The following SPDYE12 variants were observed in gnomAD, a reference collection of about 807,000 sequenced individuals.
SPDYE12 encodes speedy protein E12.
chr7:74,908,658 G>GTTTTTTT, the SPDYE12 span, among the ~76,000 whole-genome samples: 1 of 65,992 alleles, frequency 1.5e-5, no homozygotes, highest in Non-Finnish European at 3.0e-5. Context: ...TTTGTTTTTT[G>GTTTTTTT]TTCTTTTTTT....
At chr7:74,908,642 G>A in the SPDYE12 span, among the ~76,000 whole-genome samples, 5 of 137,174 alleles carry the variant, frequency 3.6e-5, no homozygotes, top group Admixed American at 3.8e-4. Context: ...GCGGTTCATG[G>A]TTCCTTTTGT....
the SPDYE12 span, among the ~76,000 whole-genome samples, chr7:74,910,123 A>C: frequency 6.9e-6 from 1 of 145,694 alleles, no homozygotes; most frequent in Admixed American, 7.0e-5. Context: ...TGATCCCAGT[A>C]CTTTTTGAGA....
At chr7:74,909,689 G>C in the SPDYE12 span, 1 of 1,571,274 alleles carries the variant, frequency 6.4e-7, no homozygotes, top group East Asian at 2.2e-5. Context: ...ATGGGGGTCT[G>C]GGGAGGGGCT....
chr7:74,909,573 C>T, the SPDYE12 span: 130 of 1,571,100 alleles, frequency 8.3e-5, 2 homozygotes, highest in African/African-American at 4.2e-4. Context: ...GAGGCCGGCC[C>T]GGCTGAAATA....
chr7:74,907,880 C>G, the SPDYE12 span, among the ~76,000 whole-genome samples: 1 of 148,432 alleles, frequency 6.7e-6, no homozygotes, highest in Non-Finnish European at 1.5e-5. Flanking sequence ...TATGATCTCA[C>G]CACTGCACTC....
At chr7:74,912,394 CT>C in the SPDYE12 span, among the ~76,000 whole-genome samples, 3 of 30,816 alleles carry the variant, frequency 9.7e-5, no homozygotes, top group African/African-American at 2.1e-4. Flanking sequence ...CTGAGTCCCT[CT>C]TTTTTTTTTT....
At chr7:74,914,936 C>A in the SPDYE12 span, among the ~76,000 whole-genome samples, 11 of 94,642 alleles carry the variant, frequency 1.2e-4, no homozygotes, top group African/African-American at 3.1e-4. Context: ...AAAAAAAAAA[C>A]AAAAAAAAAA....
At chr7:74,915,053 C>T in the SPDYE12 span, among the ~76,000 whole-genome samples, 97 of 151,918 alleles carry the variant, frequency 6.4e-4, no homozygotes, top group Non-Finnish European at 1.2e-3. Flanking sequence ...GGAAGGAAAT[C>T]CCATTGCTGT....
At chr7:74,914,932 A>G in the SPDYE12 span, among the ~76,000 whole-genome samples, 1 of 142,546 alleles carries the variant, frequency 7.0e-6, no homozygotes, top group Non-Finnish European at 1.5e-5. Context: ...TCAAAAAAAA[A>G]AAACAAAAAA....
the SPDYE12 span, among the ~76,000 whole-genome samples, chr7:74,909,043 T>G: frequency 1.3e-4 from 19 of 145,448 alleles, no homozygotes; most frequent in South Asian, 4.1e-3. Context: ...GTTTTTTTTT[T>G]TTTTTTTGGC....
chr7:74,908,958 G>A, the SPDYE12 span, among the ~76,000 whole-genome samples: 1 of 148,568 alleles, frequency 6.7e-6, no homozygotes, highest in Non-Finnish European at 1.5e-5. Context: ...TGAGATTACA[G>A]GCGTGAGCCA....
chr7:74,904,674 A>G, the SPDYE12 span, among the ~76,000 whole-genome samples: 1 of 151,132 alleles, frequency 6.6e-6, no homozygotes, highest in East Asian at 1.9e-4. Context: ...GGAAAACAAA[A>G]TTATATGTAT....
At chr7:74,914,736 A>G in the SPDYE12 span, among the ~76,000 whole-genome samples, 12 of 148,992 alleles carry the variant, frequency 8.1e-5, no homozygotes, top group African/African-American at 2.4e-4. Context: ...AGCCTGGCCA[A>G]CATGGTGAAA....
the SPDYE12 span, chr7:74,907,093 T>C: frequency 6.7e-7 from 1 of 1,503,174 alleles, no homozygotes; most frequent in Non-Finnish European, 9.0e-7. Context: ...ATTGGCCAGA[T>C]AGCTGAGGAC....
the SPDYE12 span, among the ~76,000 whole-genome samples, chr7:74,907,696 A>G: frequency 6.7e-6 from 1 of 150,262 alleles, no homozygotes; most frequent in Admixed American, 6.7e-5. Flanking sequence ...GGGCCCCTCC[A>G]TTCCAGCCTG....
chr7:74,908,900 C>T, the SPDYE12 span, among the ~76,000 whole-genome samples: 8 of 149,498 alleles, frequency 5.4e-5, no homozygotes, highest in African/African-American at 1.2e-4. Flanking sequence ...CCAGGATGGT[C>T]TTGCTCTCCT....
At chr7:74,906,206 A>G in the SPDYE12 span, among the ~76,000 whole-genome samples, 1 of 141,846 alleles carries the variant, frequency 7.0e-6, no homozygotes, top group Admixed American at 6.9e-5. Flanking sequence ...CCTCATGACA[A>G]AGTCTCATGC....
chr7:74,914,822 C>T, the SPDYE12 span, among the ~76,000 whole-genome samples: 6 of 148,322 alleles, frequency 4.0e-5, no homozygotes, highest in African/African-American at 9.9e-5. Flanking sequence ...ACTCAGGAGG[C>T]GGGGACAGCA....
chr7:74,907,732 G>GATAAATAAATAA, the SPDYE12 span, among the ~76,000 whole-genome samples: 142 of 131,738 alleles, frequency 1.1e-3, 3 homozygotes, highest in African/African-American at 3.3e-3. Context: ...CTCTTGTCTT[G>GATAAATAAATAA]ATAAATAAAT....
Sources: gnomAD v4.1 joint callset for allele counts (sites outside exome capture counted in the v4.1 genomes callset) on GRCh38, gnomAD v4.1.1 for gene constraint, MANE v1.5 for transcripts, NCBI Gene and HGNC (gene_info 2026-07-23, HGNC 2026-07-21) for gene names.